Variants in ERC2 observed in about 807,000 individuals in gnomAD.
ERC2 encodes the protein ELKS/RAB6-interacting/CAST family member 2, also known as ERC protein 2.
Under a neutral mutation model 114.8 loss-of-function variants are expected in ERC2, and 42 were observed. The observed-to-expected ratio is 0.37, with a 90% CI of 0.29 to 0.47. ERC2 has a LOEUF of 0.47. Among genes scored for constraint, ERC2 ranks in the 20% least tolerant of loss-of-function variants. The pLI is 0.99. For missense variants in ERC2, 939 were observed against 1,150.7 expected, an observed-to-expected ratio of 0.82 and a Z score of 2.66; for synonymous variants, 454 against 425.5, an observed-to-expected ratio of 1.07 and a Z score of -0.82.
chr3:55,516,628 T>C (rs2052531823), intron 17 of ERC2, among the ~76,000 whole-genome samples: 1 of 152,136 alleles, frequency 6.6e-6, no homozygotes, highest in South Asian at 2.1e-4. Context: ...GAGGAGGCAG[T>C]GGAGGGACTT....
chr3:56,067,616 G>C (rs1259428657), intron 7 of ERC2, among the ~76,000 whole-genome samples: 1 of 152,138 alleles, frequency 6.6e-6, no homozygotes, highest in African/African-American at 2.4e-5. Context: ...TCCTTGTGTT[G>C]TGCCAGTTTT....
At chr3:55,862,737 G>A (rs1013273619) in intron 14 of ERC2, among the ~76,000 whole-genome samples, 5 of 152,104 alleles carry the variant, frequency 3.3e-5, no homozygotes, top group Non-Finnish European at 1.5e-5. Context: ...TTGAGATGTC[G>A]AATTCTGCTG....
chr3:56,445,325 T>A (rs1471350679), intron 1 of ERC2, among the ~76,000 whole-genome samples: 2 of 152,208 alleles, frequency 1.3e-5, no homozygotes, highest in Non-Finnish European at 1.5e-5. Flanking sequence ...CAATTCATTC[T>A]TTTACAATTC....
intron 12 of ERC2, among the ~76,000 whole-genome samples, chr3:55,974,461 C>T (rs915507199): frequency 1.3e-5 from 2 of 152,200 alleles, no homozygotes; most frequent in Non-Finnish European, 2.9e-5. Flanking sequence ...CATTTCTTTT[C>T]GGCTTTGATG....
chr3:55,991,929 T>A, intron 11 of ERC2, 128 bp downstream of exon 11: 3 of 792,050 alleles, frequency 3.8e-6, no homozygotes, highest in Non-Finnish European at 6.1e-6. Flanking sequence ...CAGGCCATAT[T>A]CCTCATTTAT....
At chr3:55,641,549 CAAAAAAAAAAA>C (rs57407975) in intron 17 of ERC2, among the ~76,000 whole-genome samples, 5 of 28,326 alleles carry the variant, frequency 1.8e-4, no homozygotes, top group Admixed American at 1.5e-3. Context: ...GATTCTATCT[CAAAAAAAAAAA>C]AAAAAAAAAA....
At chr3:56,446,981 A>C (rs942857236) in intron 1 of ERC2, among the ~76,000 whole-genome samples, 4 of 152,172 alleles carry the variant, frequency 2.6e-5, no homozygotes, top group Non-Finnish European at 5.9e-5. Flanking sequence ...GAGCTTCGAG[A>C]AACAGTGGAG....
intron 14 of ERC2, among the ~76,000 whole-genome samples, chr3:55,875,484 CA>C (rs1246230307): frequency 6.6e-6 from 1 of 152,178 alleles, no homozygotes; most frequent in Non-Finnish European, 1.5e-5. Flanking sequence ...TCAAGTCAAA[CA>C]CTGCATTTCA....
At chr3:56,161,074 C>T (rs543933604) in intron 4 of ERC2, among the ~76,000 whole-genome samples, 111 of 152,230 alleles carry the variant, frequency 7.3e-4, no homozygotes, top group African/African-American at 2.6e-3. Flanking sequence ...AACACCATCC[C>T]CTTGCTGCTA....
intron 12 of ERC2, among the ~76,000 whole-genome samples, chr3:55,981,684 C>T (rs2070153365): frequency 6.6e-6 from 1 of 152,058 alleles, no homozygotes; most frequent in Non-Finnish European, 1.5e-5. Flanking sequence ...AGATCTTTTC[C>T]CCTCTCCTTT....
chr3:55,904,653 G>A (rs2064327773), intron 13 of ERC2, among the ~76,000 whole-genome samples: 1 of 152,082 alleles, frequency 6.6e-6, no homozygotes, highest in African/African-American at 2.4e-5. Context: ...GTTCTCATCT[G>A]GATGAGTCTA....
chr3:56,205,321 A>T (rs902653716), intron 3 of ERC2, among the ~76,000 whole-genome samples: 1 of 152,160 alleles, frequency 6.6e-6, no homozygotes, highest in Non-Finnish European at 1.5e-5. Context: ...AATTTTCCTC[A>T]TTAAGCCCAT....
chr3:55,664,069 AGCAGCATTAACATT>A (rs1221462575), intron 17 of ERC2, among the ~76,000 whole-genome samples: 1 of 152,252 alleles, frequency 6.6e-6, no homozygotes, highest in Non-Finnish European at 1.5e-5. Context: ...TTCACACACC[AGCAGCATTAACATT>A]GCCTGGGAGA....
chr3:55,894,650 G>A (rs997852577), intron 13 of ERC2, among the ~76,000 whole-genome samples: 3 of 152,114 alleles, frequency 2.0e-5, no homozygotes, highest in Non-Finnish European at 2.9e-5. Context: ...GATGGAGCTG[G>A]AGGCCATTAT....
At chr3:55,810,837 A>G (rs956236148) in intron 14 of ERC2, among the ~76,000 whole-genome samples, 2 of 152,196 alleles carry the variant, frequency 1.3e-5, no homozygotes, top group African/African-American at 4.8e-5. Context: ...CAAATAAGAG[A>G]TGTCTCTCCT....
chr3:55,871,945 G>A (rs2062602628), intron 14 of ERC2, among the ~76,000 whole-genome samples: 1 of 152,118 alleles, frequency 6.6e-6, no homozygotes, highest in Admixed American at 6.5e-5. Flanking sequence ...ATGTTTATCT[G>A]AAAAAATAAT....
intron 4 of ERC2, among the ~76,000 whole-genome samples, chr3:56,169,994 C>T (rs1196269349): frequency 6.6e-6 from 1 of 152,110 alleles, no homozygotes; most frequent in East Asian, 1.9e-4. Flanking sequence ...CAGTTATCCA[C>T]AAGAGCAGAA....
chr3:56,354,732 A>G (rs1477296049), intron 2 of ERC2, among the ~76,000 whole-genome samples: 2 of 152,198 alleles, frequency 1.3e-5, no homozygotes, highest in African/African-American at 4.8e-5. Flanking sequence ...GAAGTGTCCA[A>G]GAGATACTTT....
chr3:56,345,807 T>G (rs1050367498), intron 2 of ERC2, among the ~76,000 whole-genome samples: 2 of 152,164 alleles, frequency 1.3e-5, no homozygotes, highest in African/African-American at 4.8e-5. Flanking sequence ...GTGGGATGGT[T>G]GAGCAAACAC....
Sources: gnomAD v4.1 joint callset for allele counts (sites outside exome capture counted in the v4.1 genomes callset) on GRCh38, gnomAD v4.1.1 for gene constraint, MANE v1.5 for transcripts, NCBI Gene and HGNC (gene_info 2026-07-23, HGNC 2026-07-21) for gene names.